The following ADAM2 variants were observed in gnomAD, a reference collection of about 807,000 sequenced individuals.
ADAM2 encodes the protein disintegrin and metalloproteinase domain-containing protein 2.
Under a neutral mutation model 99.3 loss-of-function variants are expected in ADAM2, and 101 were observed. The observed-to-expected ratio is 1.02, with a 90% CI of 0.87 to 1.20. The LOEUF is 1.20. Among genes scored for constraint, ADAM2 ranks in the 50% most tolerant of loss-of-function variants. ADAM2 has a pLI of 0.00. For synonymous variants in ADAM2, 323 were observed against 287.6 expected (o/e 1.12, Z -1.25); for missense variants, 948 against 878.7 (o/e 1.08, Z -1.00).
chr8:39,746,441 A>G, intron 19 of ADAM2, 31 bp downstream of exon 19: 1 of 1,417,976 alleles, frequency 7.1e-7, no homozygotes, highest in Non-Finnish European at 9.5e-7. Context: ...AATTATACAA[A>G]TAACAAATCT....
chr8:39,747,561 T>A (rs186254622), intron 18 of ADAM2, among the ~76,000 whole-genome samples: 111 of 152,326 alleles, frequency 7.3e-4, no homozygotes, highest in African/African-American at 2.5e-3. Context: ...TCAAAGGCCT[T>A]GCTTAATTTT....
intron 7 of ADAM2, 43 bp from the exon 8 acceptor site, chr8:39,788,783 T>A: frequency 1.9e-6 from 2 of 1,026,822 alleles, no homozygotes; most frequent in Non-Finnish European, 2.7e-6. Context: ...ATATATTGCT[T>A]AACATTTAAT....
chr8:39,796,705 T>C (rs1803972011), intron 7 of ADAM2, among the ~76,000 whole-genome samples: 5 of 152,242 alleles, frequency 3.3e-5, no homozygotes, highest in Admixed American at 3.3e-4. Context: ...CAGCATCTAT[T>C]ATTTCCTGAC....
chr8:39,798,578 C>G (rs374901914), intron 7 of ADAM2, among the ~76,000 whole-genome samples: 3 of 152,130 alleles, frequency 2.0e-5, no homozygotes, highest in Non-Finnish European at 4.4e-5. Flanking sequence ...AGGAGTCCCT[C>G]CTTTTCAATT....
chr8:39,779,362 C>T (rs1234503322), intron 10 of ADAM2, among the ~76,000 whole-genome samples: 3 of 152,082 alleles, frequency 2.0e-5, no homozygotes, highest in Non-Finnish European at 4.4e-5. Context: ...CTATGGACAG[C>T]AGTCCTATTG....
At position 39,788,182 on chromosome 8, in the gene ADAM2, C is replaced by T. The variant is rs747499436; in HGVS notation, c.712G>A (p.Ala238Thr). 8.2e-6 allele frequency: 13 copies of T among 1,584,896 alleles called. No individual in the cohort carries two copies. The East Asian group carries it at 2.5e-4, about 31-fold the overall frequency. The change falls in exon 9 of 21, where the codon GCA becomes ACA. Residue 238 changes from alanine (A) to threonine (T), a missense_variant. By Grantham distance (58) the Ala-to-Thr change is moderately conservative. Transcript: ENST00000265708. ...LELWIDENKI[A>T]TTGEANELLH... ...AACTCATTAGCTTCTCCAGTGGTTGCAATTTTATTTTCATCTATCCAAAGC... is the reference window on the plus strand; with the variant it reads ...AACTCATTAGCTTCTCCAGTGGTTGTAATTTTATTTTCATCTATCCAAAGC...
intron 11 of ADAM2, among the ~76,000 whole-genome samples, chr8:39,772,121 AAAAG>A (rs1331452667): frequency 6.6e-6 from 1 of 151,620 alleles, no homozygotes; most frequent in Non-Finnish European, 1.5e-5. Context: ...AAAAAAAAAA[AAAAG>A]AAAAGAAAGT....
At chr8:39,827,627 A>G (rs1229901748) in intron 3 of ADAM2, among the ~76,000 whole-genome samples, 3 of 152,200 alleles carry the variant, frequency 2.0e-5, no homozygotes, top group Non-Finnish European at 2.9e-5. Context: ...AAATAAGCCA[A>G]GTTTAGAAAG....
chr8:39,793,647 C>A (rs987089014), intron 7 of ADAM2, among the ~76,000 whole-genome samples: 5 of 152,084 alleles, frequency 3.3e-5, no homozygotes, highest in African/African-American at 9.7e-5. Flanking sequence ...GTAAAATGAT[C>A]AGGGCAAAAG....
At chr8:39,812,902 A>C (rs1804764472) in intron 6 of ADAM2, among the ~76,000 whole-genome samples, 1 of 152,212 alleles carries the variant, frequency 6.6e-6, no homozygotes, top group Admixed American at 6.5e-5. Context: ...TGGCAACAAA[A>C]GCCAAAATTG....
chr8:39,838,209 C>T lies in ADAM2; in HGVS notation c.-24G>A, dbSNP rs771900468. 1.1e-5 allele frequency: 17 copies of T among 1,613,978 alleles called. No homozygotes were observed. The African/African-American group carries it at 1.6e-4, about 15-fold the overall frequency. On this transcript the variant is annotated 5_prime_UTR_variant, in exon 1 of 21. Coordinates refer to ENST00000265708, the MANE Select transcript of ADAM2 (RefSeq NM_001464.5). ...ATGGCTTGAAGTCCTGGGTCCCAGC[C>T]GGAATAATGGCAGTTGGTGGTTACA... is the stretch of plus-strand genomic sequence containing the variant.
chr8:39,832,854 G>A (rs1300884051), intron 3 of ADAM2, among the ~76,000 whole-genome samples: 1 of 151,930 alleles, frequency 6.6e-6, no homozygotes, highest in African/African-American at 2.4e-5. Context: ...AAGGTATATA[G>A]TATGTGATTC....
At chr8:39,837,110 T>G in intron 2 of ADAM2, 26 bp downstream of exon 2, 1 of 1,527,766 alleles carries the variant, frequency 6.5e-7, no homozygotes, top group Non-Finnish European at 8.9e-7. Flanking sequence ...ATTTTAAATT[T>G]GTAAATACTG....
chr8:39,762,078 C>A (rs867028773), intron 14 of ADAM2, among the ~76,000 whole-genome samples: 19 of 152,088 alleles, frequency 1.2e-4, no homozygotes, highest in African/African-American at 4.3e-4. Context: ...AGCGAGACTG[C>A]GTCTCAAAGG....
chr8:39,764,873 G>T (rs113407806), intron 14 of ADAM2, among the ~76,000 whole-genome samples: 14 of 151,908 alleles, frequency 9.2e-5, no homozygotes, highest in African/African-American at 3.4e-4. Context: ...AAATTAGCCG[G>T]GTGTGGTGGT....
intron 11 of ADAM2, among the ~76,000 whole-genome samples, chr8:39,771,681 T>C (rs1340478219): frequency 6.6e-6 from 1 of 152,120 alleles, no homozygotes; most frequent in Non-Finnish European, 1.5e-5. Context: ...AAACTAACAG[T>C]GTTGGTATGA....
At chr8:39,776,936 T>C (rs1017723627) in intron 11 of ADAM2, 89 bp downstream of exon 11, 7 of 827,986 alleles carry the variant, frequency 8.5e-6, no homozygotes, top group Admixed American at 2.5e-5. Flanking sequence ...TGATCGCCAT[T>C]ATTATTTAAC....
intron 11 of ADAM2, among the ~76,000 whole-genome samples, chr8:39,775,410 A>C (rs1441069840): frequency 6.6e-6 from 1 of 152,128 alleles, no homozygotes; most frequent in Non-Finnish European, 1.5e-5. Context: ...TCGTTCACCA[A>C]GTATCCAAGC....
intron 6 of ADAM2, among the ~76,000 whole-genome samples, chr8:39,816,088 G>C (rs1804927483): frequency 6.6e-6 from 1 of 152,008 alleles, no homozygotes; most frequent in African/African-American, 2.4e-5. Flanking sequence ...CTGAGGTCAG[G>C]AGTTCAAGAC....
Sources: gnomAD v4.1 joint callset for allele counts (sites outside exome capture counted in the v4.1 genomes callset) on GRCh38, gnomAD v4.1.1 for gene constraint, MANE v1.5 for transcripts, NCBI Gene and HGNC (gene_info 2026-07-23, HGNC 2026-07-21) for gene names.